Variants in ARHGAP20 observed in about 807,000 individuals in gnomAD.
ARHGAP20 encodes Rho GTPase activating protein 20, also known as rho GTPase-activating protein 20.
In ARHGAP20, 34 loss-of-function variants were observed where a neutral mutation model predicts 73.7. That is an observed-to-expected ratio of 0.46 (90% CI 0.35 to 0.61). The LOEUF (loss-of-function observed/expected upper bound fraction) is 0.61, where lower values mean the gene tolerates loss of function less well. Ranked by LOEUF, ARHGAP20 falls within the 20% of genes least tolerant of loss-of-function variation. ARHGAP20 has a pLI of 0.00. For synonymous variants in ARHGAP20, 523 were observed against 518.2 expected (o/e 1.01, Z -0.13); for missense variants, 1,314 against 1,420.9 (o/e 0.92, Z 1.21).
At chr11:110,672,375 G>A (rs1356373228) in intron 2 of ARHGAP20, among the ~76,000 whole-genome samples, 1 of 151,836 alleles carries the variant, frequency 6.6e-6, no homozygotes, top group Non-Finnish European at 1.5e-5. Context: ...CATACAAATG[G>A]GCAGTAATTT....
chr11:110,657,092 T>G (rs1021276854), intron 2 of ARHGAP20, among the ~76,000 whole-genome samples: 4 of 152,236 alleles, frequency 2.6e-5, no homozygotes, highest in African/African-American at 7.2e-5. Context: ...TTTTTAAGAT[T>G]ATATAGCCTT....
chr11:110,708,219 T>C (rs1950584451), intron 1 of ARHGAP20, among the ~76,000 whole-genome samples: 1 of 152,066 alleles, frequency 6.6e-6, no homozygotes, highest in African/African-American at 2.4e-5. Context: ...TTACATCCAT[T>C]AAGATGACTG....
At chr11:110,671,152 G>T (rs1208621607) in intron 2 of ARHGAP20, among the ~76,000 whole-genome samples, 1 of 151,796 alleles carries the variant, frequency 6.6e-6, no homozygotes, top group African/African-American at 2.4e-5. Flanking sequence ...CAACTTTTCT[G>T]TAAATCTGAA....
intron 8 of ARHGAP20, 70 bp from the exon 9 acceptor site, chr11:110,606,819 G>A (rs1460018619): frequency 7.7e-7 from 1 of 1,295,570 alleles, no homozygotes. Flanking sequence ...CTGCAAAATA[G>A]GAATGTACTG....
chr11:110,614,948 C>T (rs1448286894), intron 5 of ARHGAP20, among the ~76,000 whole-genome samples: 1 of 152,168 alleles, frequency 6.6e-6, no homozygotes, highest in East Asian at 1.9e-4. Context: ...ACAGGTCCAA[C>T]ACCTTACTGA....
chr11:110,709,940 TAC>T (rs1950615866), intron 1 of ARHGAP20, among the ~76,000 whole-genome samples: 1 of 152,166 alleles, frequency 6.6e-6, no homozygotes, highest in Non-Finnish European at 1.5e-5. Flanking sequence ...TCTGCAAAGG[TAC>T]AAGTGAGAGA....
At position 110,586,223 on chromosome 11, in the gene ARHGAP20, C is replaced by T; in HGVS notation, c.1408G>A (p.Val470Ile). The T allele has an allele frequency of 6.8e-7, 1 of 1,472,714 alleles. No homozygotes were observed. The highest frequency in any genetic ancestry group is 1.5e-5 in the South Asian group (1 of 67,934). 91.2% of individuals were successfully genotyped at this position (1,472,714 alleles called of 1,614,324 possible). Residue 470 changes from valine (V) to isoleucine (I), a missense_variant, in exon 12 of 15, where the codon GTT (valine) becomes ATT (isoleucine). Physicochemically the swap from Val to Ile is conservative, Grantham distance 29 (BLOSUM62 3). Around this residue, in one of 3 missense-constraint regions of ARHGAP20, gnomAD observed 230 missense variants for 317.6 expected, o/e 0.72. Transcript: ENST00000683387. The stretch of plus-strand genomic sequence containing the variant: ...CCAAATTAGAATAATTACCTTTGAA[C>T]AGTATTTATTTTCTCTTCATCATTT... ...QGNDEEKINT[V>I]QRLLDQLPRA...
chr11:110,691,665 G>A (rs1273453781), intron 1 of ARHGAP20, among the ~76,000 whole-genome samples: 1 of 152,188 alleles, frequency 6.6e-6, no homozygotes, highest in Non-Finnish European at 1.5e-5. Flanking sequence ...CATCCAGTGA[G>A]AAGAGGATGC....
At chr11:110,636,499 C>A (rs1454781447) in intron 2 of ARHGAP20, among the ~76,000 whole-genome samples, 1 of 152,034 alleles carries the variant, frequency 6.6e-6, no homozygotes, top group Non-Finnish European at 1.5e-5. Flanking sequence ...TCATTTTCCT[C>A]CTCGTGATAT....
intron 2 of ARHGAP20, among the ~76,000 whole-genome samples, chr11:110,688,222 C>CATAA (rs1565478378): frequency 6.6e-6 from 1 of 152,110 alleles, no homozygotes; most frequent in Admixed American, 6.5e-5. Context: ...ACTGACCAAA[C>CATAA]ATAAATGTTC....
At chr11:110,649,799 T>C (rs952928174) in intron 2 of ARHGAP20, among the ~76,000 whole-genome samples, 6 of 152,122 alleles carry the variant, frequency 3.9e-5, no homozygotes, top group African/African-American at 1.2e-4. Context: ...GGATTAGGCA[T>C]AAAATTTTGG....
intron 2 of ARHGAP20, among the ~76,000 whole-genome samples, chr11:110,674,649 T>C (rs1949896641): frequency 6.6e-6 from 1 of 152,166 alleles, no homozygotes; most frequent in South Asian, 2.1e-4. Context: ...TATATGCAAA[T>C]ATTCCAAAAT....
rs1357339434 is a variant in ARHGAP20 at position 110,648,244 on chromosome 11, TATATATGTAA to T, written c.189-17462_189-17453del. Among the ~76,000 whole-genome samples the T allele has an allele frequency of 5.8e-3, 534 of 92,376 alleles. 5 individuals are homozygous for T. The highest frequency in any genetic ancestry group is 0.031 in the South Asian group (79 of 2,542). The allele number at this position is 92,376 out of a possible 152,430, so 60.6% of individuals were successfully genotyped here. A position where few individuals can be genotyped will look rare whatever the true frequency, so the allele number is the denominator to read the frequency against. ...ATGTATATATATATATATGTAAATATATATATGTAAATATATATATGTAAATATATATATG... is the reference window on the plus strand; with the variant it reads ...ATGTATATATATATATATGTAAATATATATATATATGTAAATATATATATG... On this transcript the variant is annotated intron_variant, in intron 2 of 14. Transcript: ENST00000683387.
intron 3 of ARHGAP20, 29 bp downstream of exon 3, chr11:110,630,599 T>C (rs1948839189): frequency 6.3e-7 from 1 of 1,590,712 alleles, no homozygotes; most frequent in South Asian, 1.1e-5. Context: ...AATTTTATAA[T>C]GATAATCAGG....
intron 11 of ARHGAP20, chr11:110,589,668 A>G: frequency 7.1e-6 from 7 of 985,426 alleles, no homozygotes; most frequent in Non-Finnish European, 7.2e-6. Context: ...CATTTCCAAG[A>G]ATGTGGGGGC....
chr11:110,611,594 T>C (rs1202203388), intron 6 of ARHGAP20, among the ~76,000 whole-genome samples: 1 of 152,188 alleles, frequency 6.6e-6, no homozygotes, highest in Admixed American at 6.5e-5. Flanking sequence ...AACATTTCTC[T>C]TAAAGGATGC....
chr11:110,644,690 A>G (rs1949149496), intron 2 of ARHGAP20, among the ~76,000 whole-genome samples: 1 of 152,190 alleles, frequency 6.6e-6, no homozygotes, highest in Non-Finnish European at 1.5e-5. Flanking sequence ...TAAAAATCCT[A>G]GAAGAAAACC....
intron 2 of ARHGAP20, among the ~76,000 whole-genome samples, chr11:110,677,305 C>A (rs948472300): frequency 7.2e-5 from 11 of 152,132 alleles, no homozygotes; most frequent in African/African-American, 2.7e-4. Flanking sequence ...AAAAGACATA[C>A]AAATGACAAG....
At chr11:110,707,967 C>T (rs533558903) in intron 1 of ARHGAP20, among the ~76,000 whole-genome samples, 7 of 149,476 alleles carry the variant, frequency 4.7e-5, no homozygotes, top group African/African-American at 1.5e-4. Context: ...AATTAAGAAG[C>T]TTACAGAAAA....
Sources: gnomAD v4.1 joint callset for allele counts (sites outside exome capture counted in the v4.1 genomes callset) on GRCh38, gnomAD v4.1.1 for gene constraint, gnomAD v4.1.1 regional missense constraint, MANE v1.5 for transcripts, NCBI Gene and HGNC (gene_info 2026-07-23, HGNC 2026-07-21) for gene names.